SDK1: variants seen among roughly 807,000 people sequenced by gnomAD.
SDK1 encodes the protein protein sidekick-1.
Under a neutral mutation model 245.5 loss-of-function variants are expected in SDK1, and 157 were observed. That is an observed-to-expected ratio of 0.64 (90% CI 0.56 to 0.73). The LOEUF (loss-of-function observed/expected upper bound fraction) is 0.73, where lower values mean the gene tolerates loss of function less well. Ranked by LOEUF, SDK1 falls within the 30% of genes least tolerant of loss-of-function variation. The pLI, the probability that SDK1 is intolerant of heterozygous loss-of-function variation, is 0.00. For missense variants in SDK1, 3,583 were observed against 3,002.3 expected, an observed-to-expected ratio of 1.19 and a Z score of -4.52; for synonymous variants, 1,647 against 1,278.5, an observed-to-expected ratio of 1.29 and a Z score of -6.15.
Position 4,192,845 on chromosome 7 carries a change from C to T in SDK1, c.5099-13034C>T, listed in dbSNP as rs114040467. Among the ~76,000 whole-genome samples the T allele has an allele frequency of 6.3e-3, 951 of 151,836 alleles. 7 individuals carry two copies. Among genetic ancestry groups the T allele is most frequent in the Middle Eastern group, 0.037 (11 of 294 alleles). ...TCCAAACATCCACCTCCTCCCCTCC[C>T]GTGTGATCCTCAAGCAGCTCTCAGA... On this transcript the variant is annotated intron_variant, in intron 35 of 44. Transcript: ENST00000404826.
intron 30 of SDK1, among the ~76,000 whole-genome samples, chr7:4,155,324 C>T (rs756921167): frequency 4.6e-5 from 7 of 152,176 alleles, no homozygotes; most frequent in Non-Finnish European, 8.8e-5. Flanking sequence ...ACAGGCCTCA[C>T]GCTAAGAACC....
intron 14 of SDK1, among the ~76,000 whole-genome samples, chr7:4,009,695 A>G (rs1209721700): frequency 6.6e-6 from 1 of 152,262 alleles, no homozygotes; most frequent in Non-Finnish European, 1.5e-5. Context: ...TTCATCGCCA[A>G]CTGGCTTCAT....
intron 32 of SDK1, among the ~76,000 whole-genome samples, chr7:4,171,568 A>C (rs1466555713): frequency 1.3e-5 from 2 of 152,226 alleles, no homozygotes; most frequent in African/African-American, 2.4e-5. Context: ...GTAGCTGAGC[A>C]TGCTCCAGCC....
chr7:3,539,572 G>A (rs761377094), intron 1 of SDK1, among the ~76,000 whole-genome samples: 7 of 152,136 alleles, frequency 4.6e-5, no homozygotes, highest in Non-Finnish European at 8.8e-5. Flanking sequence ...GGATGGACTT[G>A]CCTGGCTCAT....
At chr7:3,357,660 C>T (rs1780841487) in intron 1 of SDK1, among the ~76,000 whole-genome samples, 2 of 151,868 alleles carry the variant, frequency 1.3e-5, no homozygotes, top group African/African-American at 4.8e-5. Flanking sequence ...TCCCCTTCCT[C>T]ACCAGTCTTG....
chr7:4,074,917 T>TATATA lies in SDK1; in HGVS notation c.3011-2081_3011-2080insATATA, dbSNP rs1491485999. Reference sequence around the variant, plus strand: ...ATATATATATATATATATATATATATTTTTTTTTTTTTTTAATAAAGTTAG... The same window carrying TATATA: ...ATATATATATATATATATATATATATATATATTTTTTTTTTTTTTAATAAAGTTAG... On this transcript the variant is annotated intron_variant, in intron 20 of 44. Transcript: ENST00000404826. Among the ~76,000 whole-genome samples, 176 of 53,676 alleles carry TATATA rather than the reference T, an allele frequency of 3.3e-3. 1 individual carries two copies. Among genetic ancestry groups the TATATA allele is most frequent in the Admixed American group, 6.5e-3 (35 of 5,386 alleles). The allele number at this position is 53,676 out of a possible 152,430, so 35.2% of individuals were successfully genotyped here.
chr7:4,008,663 CT>C (rs1785693482), intron 14 of SDK1, among the ~76,000 whole-genome samples: 2 of 152,258 alleles, frequency 1.3e-5, no homozygotes, highest in East Asian at 3.9e-4. Context: ...TGAGCTGCTA[CT>C]GATAATGCCT....
At chr7:3,452,774 T>A (rs1780554713) in intron 1 of SDK1, among the ~76,000 whole-genome samples, 2 of 152,198 alleles carry the variant, frequency 1.3e-5, no homozygotes, top group South Asian at 4.1e-4. Context: ...AAATCCCCGC[T>A]GTTGACTGTT....
intron 35 of SDK1, among the ~76,000 whole-genome samples, chr7:4,185,355 C>T (rs1782826313): frequency 6.6e-6 from 1 of 152,202 alleles, no homozygotes; most frequent in Non-Finnish European, 1.5e-5. Flanking sequence ...GGACCACGCT[C>T]CAGCCTTCAA....
At chr7:3,383,261 A>C (rs1294694803) in intron 1 of SDK1, among the ~76,000 whole-genome samples, 4 of 152,152 alleles carry the variant, frequency 2.6e-5, no homozygotes, top group Non-Finnish European at 4.4e-5. Flanking sequence ...CATAACAAAA[A>C]TTAGCCTGGT....
In SDK1 at chr7:4,205,179, G is replaced by T. The variant is rs575921603; in HGVS notation, c.5099-700G>T. Among the ~76,000 whole-genome samples the T allele has an allele frequency of 1.2e-4, 18 of 152,306 alleles. No homozygotes were observed. In the South Asian group the frequency reaches 3.7e-3, roughly 32 times the overall value. Reference sequence around the variant, plus strand: ...GCCAGAGCTGGCCTCAGAGAGCAAAGTGCAGCCATGTTCTCAAACATCGGA... The same window carrying T: ...GCCAGAGCTGGCCTCAGAGAGCAAATTGCAGCCATGTTCTCAAACATCGGA... On this transcript the variant is annotated intron_variant, in intron 35 of 44. Transcript: ENST00000404826.
At chr7:4,135,638 A>G (rs768924610) in intron 28 of SDK1, among the ~76,000 whole-genome samples, 1 of 152,160 alleles carries the variant, frequency 6.6e-6, no homozygotes, top group Non-Finnish European at 1.5e-5. Context: ...TAGCTGAGTG[A>G]ATTTATGCGT....
chr7:3,916,180 G>T (rs1378891318), intron 5 of SDK1, among the ~76,000 whole-genome samples: 1 of 152,176 alleles, frequency 6.6e-6, no homozygotes, highest in African/African-American at 2.4e-5. Flanking sequence ...GAGGCAATGA[G>T]GCCAGTGGTC....
chr7:3,911,147 A>G (rs1779149111), intron 5 of SDK1, among the ~76,000 whole-genome samples: 1 of 152,212 alleles, frequency 6.6e-6, no homozygotes, highest in South Asian at 2.1e-4. Flanking sequence ...GACACATAAA[A>G]AAAATTACAG....
At chr7:3,356,283 C>T (rs1176091862) in intron 1 of SDK1, among the ~76,000 whole-genome samples, 1 of 152,114 alleles carries the variant, frequency 6.6e-6, no homozygotes, top group East Asian at 1.9e-4. Flanking sequence ...TGAAATATAA[C>T]AAAGTGCATA....
At chr7:3,403,399 T>C (rs571383577) in intron 1 of SDK1, among the ~76,000 whole-genome samples, 8 of 152,312 alleles carry the variant, frequency 5.3e-5, no homozygotes, top group Admixed American at 5.2e-4. Flanking sequence ...TTAGTTATTA[T>C]TGCTCATTTA....
intron 1 of SDK1, among the ~76,000 whole-genome samples, chr7:3,399,649 C>A (rs1292519954): frequency 6.6e-6 from 1 of 152,094 alleles, no homozygotes; most frequent in Non-Finnish European, 1.5e-5. Flanking sequence ...AGTTTATTTT[C>A]TTCATTGTGT....
chr7:3,961,351 C>G (rs938570366), intron 8 of SDK1, among the ~76,000 whole-genome samples: 1 of 152,158 alleles, frequency 6.6e-6, no homozygotes. Flanking sequence ...AGAAGAGAAT[C>G]TAGGAAGACA....
intron 1 of SDK1, among the ~76,000 whole-genome samples, chr7:3,377,935 T>A (rs938647686): frequency 1.3e-5 from 2 of 152,034 alleles, no homozygotes; most frequent in Non-Finnish European, 2.9e-5. Flanking sequence ...CACGCCACCA[T>A]GCCCAGCTAA....
Sources: gnomAD v4.1 joint callset for allele counts (sites outside exome capture counted in the v4.1 genomes callset) on GRCh38, gnomAD v4.1.1 for gene constraint, MANE v1.5 for transcripts, NCBI Gene and HGNC (gene_info 2026-07-23, HGNC 2026-07-21) for gene names.